The following ANKS1B variants were observed in gnomAD, a reference collection of about 807,000 sequenced individuals.
The protein encoded by ANKS1B is ankyrin repeat and sterile alpha motif domain-containing protein 1B.
ANKS1B carries 36 observed loss-of-function variants against 148.3 expected under a neutral mutation model. The observed-to-expected ratio is 0.24, with a 90% CI of 0.19 to 0.32. ANKS1B has a LOEUF of 0.32. ANKS1B is among the 10% of genes least tolerant of loss of function. ANKS1B has a pLI of 1.00. For missense variants in ANKS1B, 1,157 were observed against 1,542.6 expected (o/e 0.75, Z 4.19); for synonymous variants, 542 against 560.8 (o/e 0.97, Z 0.47).
At chr12:99,325,324 G>A (rs1213677401) in intron 12 of ANKS1B, among the ~76,000 whole-genome samples, 1 of 151,958 alleles carries the variant, frequency 6.6e-6, no homozygotes, top group Non-Finnish European at 1.5e-5. Flanking sequence ...CTGAAGCTTG[G>A]GTGTGAGAAT....
chr12:98,944,765 C>A (rs767840965), intron 17 of ANKS1B, among the ~76,000 whole-genome samples: 1 of 152,122 alleles, frequency 6.6e-6, no homozygotes, highest in Non-Finnish European at 1.5e-5. Flanking sequence ...TCTTGCTATG[C>A]GGATTTAAGA....
At chr12:99,066,704 T>A (rs890924437) in intron 16 of ANKS1B, among the ~76,000 whole-genome samples, 2 of 152,186 alleles carry the variant, frequency 1.3e-5, no homozygotes, top group African/African-American at 4.8e-5. Flanking sequence ...AAGGGGCTAG[T>A]GGCTTGGATA....
chr12:99,434,103 A>C lies in ANKS1B; in HGVS notation c.1575+9570T>G, dbSNP rs1594744669. On this transcript the variant is annotated intron_variant, in intron 11 of 26. Coordinates refer to ENST00000683438, the MANE Select transcript of ANKS1B (RefSeq NM_001352186.2). ...CAGGCAAGATTAGGAAGTTGGAATG[A>C]TCAGGTTCAGATTCATACAGTAGGT... is the stretch of plus-strand genomic sequence containing the variant. 1.3e-5 allele frequency among the ~76,000 whole-genome samples: 2 copies of C among 152,274 alleles called. 1 individual carries two copies. Among genetic ancestry groups the C allele is most frequent in the Middle Eastern group, 6.8e-3 (2 of 294 alleles).
At chr12:98,952,047 G>GC (rs1386272956) in intron 17 of ANKS1B, among the ~76,000 whole-genome samples, 1 of 152,284 alleles carries the variant, frequency 6.6e-6, no homozygotes, top group African/African-American at 2.4e-5. Context: ...AAATCTGTTT[G>GC]CCTTTTTTCC....
intron 12 of ANKS1B, among the ~76,000 whole-genome samples, chr12:99,271,956 A>T (rs185977545): frequency 6.6e-6 from 1 of 152,192 alleles, no homozygotes; most frequent in Non-Finnish European, 1.5e-5. Flanking sequence ...TGGTGCTAAT[A>T]GAATACATGT....
intron 12 of ANKS1B, among the ~76,000 whole-genome samples, chr12:99,336,270 T>TAATCCC (rs776709441): frequency 1.4e-4 from 21 of 152,200 alleles, no homozygotes; most frequent in Admixed American, 6.5e-5. Flanking sequence ...TTCTGGTTAT[T>TAATCCC]AATCCCTTGT....
chr12:99,782,172 C>T (rs2064403184), intron 4 of ANKS1B, 75 bp from the exon 5 acceptor site: 1 of 1,158,484 alleles, frequency 8.6e-7, no homozygotes, highest in African/African-American at 1.6e-5. Flanking sequence ...AAAATGCTCA[C>T]ATTTTACATA....
chr12:99,505,366 T>C (rs2153009157), intron 9 of ANKS1B, among the ~76,000 whole-genome samples: 1 of 152,156 alleles, frequency 6.6e-6, no homozygotes, highest in East Asian at 1.9e-4. Flanking sequence ...GGGTTTTCTG[T>C]CATTTAGAGT....
At chr12:99,081,722 A>C (rs907852739) in intron 16 of ANKS1B, among the ~76,000 whole-genome samples, 8 of 152,204 alleles carry the variant, frequency 5.3e-5, no homozygotes, top group Non-Finnish European at 1.0e-4. Context: ...TATTAGAAAT[A>C]AACACTTCAT....
At chr12:99,896,488 C>A (rs2093392763) in intron 1 of ANKS1B, among the ~76,000 whole-genome samples, 1 of 151,252 alleles carries the variant, frequency 6.6e-6, no homozygotes, top group Non-Finnish European at 1.5e-5. Context: ...TTTCTTTATC[C>A]ATTCATCTAT....
rs1167240301 is a variant in ANKS1B, at chr12:99,052,705, G to T, written c.2778+452C>A. 3.2e-5 allele frequency among the ~76,000 whole-genome samples: 4 copies of T among 123,844 alleles called. No individual in the cohort carries two copies. In the Admixed American group the frequency reaches 3.5e-4, roughly 11 times the overall value. The allele number at this position is 123,844 out of a possible 152,430, so 81.2% of individuals were successfully genotyped here. On this transcript the variant is annotated intron_variant, in intron 17 of 26. Coordinates refer to ENST00000683438, the MANE Select transcript of ANKS1B (RefSeq NM_001352186.2). ...ATTGCGCCACTGCAGTCCGCAGTCC[G>T]ACCTGGGCGACAGAGCGAGACTCCG...
intron 17 of ANKS1B, among the ~76,000 whole-genome samples, chr12:98,973,402 C>G (rs1344596716): frequency 6.6e-6 from 1 of 152,176 alleles, no homozygotes; most frequent in Non-Finnish European, 1.5e-5. Flanking sequence ...ATGAAACTCA[C>G]TATAAACCAG....
chr12:99,860,339 T>C (rs893380387), intron 1 of ANKS1B, among the ~76,000 whole-genome samples: 4 of 152,182 alleles, frequency 2.6e-5, no homozygotes, highest in Admixed American at 6.5e-5. Context: ...TAACAGGCCA[T>C]ACAGAGGGAA....
intron 17 of ANKS1B, among the ~76,000 whole-genome samples, chr12:98,878,042 C>T (rs2099695959): frequency 6.6e-6 from 1 of 151,958 alleles, no homozygotes; most frequent in Admixed American, 6.6e-5. Flanking sequence ...TGAGTATATA[C>T]AGTATACTCT....
intron 14 of ANKS1B, among the ~76,000 whole-genome samples, chr12:99,158,611 A>G (rs1323939466): frequency 2.0e-5 from 3 of 152,194 alleles, no homozygotes; most frequent in Non-Finnish European, 4.4e-5. Context: ...GAAACCAAAA[A>G]CAATGCCAAC....
chr12:99,032,114 C>A (rs1220362100), intron 17 of ANKS1B, among the ~76,000 whole-genome samples: 1 of 152,188 alleles, frequency 6.6e-6, no homozygotes, highest in African/African-American at 2.4e-5. Flanking sequence ...CGTGCCCAAA[C>A]CCTCATGGGG....
chr12:99,330,395 A>G (rs1018618325), intron 12 of ANKS1B, among the ~76,000 whole-genome samples: 12 of 151,998 alleles, frequency 7.9e-5, no homozygotes, highest in African/African-American at 2.7e-4. Flanking sequence ...CAGTTTAGAT[A>G]TGGCCCTGCC....
intron 1 of ANKS1B, among the ~76,000 whole-genome samples, chr12:99,858,516 A>C (rs1565875184): frequency 6.6e-6 from 1 of 152,086 alleles, no homozygotes; most frequent in African/African-American, 2.4e-5. Context: ...CAGGAGTCCA[A>C]CTCCTGGGTA....
chr12:99,382,442 C>T (rs369296311), intron 12 of ANKS1B, among the ~76,000 whole-genome samples: 7 of 152,106 alleles, frequency 4.6e-5, no homozygotes, highest in South Asian at 2.1e-4. Flanking sequence ...GTGGCTCACA[C>T]GTGTAATCCC....
Sources: gnomAD v4.1 joint callset for allele counts (sites outside exome capture counted in the v4.1 genomes callset) on GRCh38, gnomAD v4.1.1 for gene constraint, MANE v1.5 for transcripts, NCBI Gene and HGNC (gene_info 2026-07-23, HGNC 2026-07-21) for gene names.